HMCN2: variants seen among roughly 807,000 people sequenced by gnomAD.
HMCN2 encodes the protein hemicentin 2.
A neutral mutation model predicts 377.5 loss-of-function variants in HMCN2; 325 were observed. That is an observed-to-expected ratio of 0.86 (90% CI 0.79 to 0.94). HMCN2 has a LOEUF of 0.94. Among genes scored for constraint, HMCN2 ranks in the 40% least tolerant of loss-of-function variants. The pLI is 0.00. For synonymous variants in HMCN2, 2,007 were observed against 2,046.8 expected (o/e 0.98, Z 0.53); for missense variants, 4,543 against 4,725.3 (o/e 0.96, Z 1.13).
chr9:130,269,885 A>T (rs1160896413), intron 1 of HMCN2, among the ~76,000 whole-genome samples: 1 of 147,826 alleles, frequency 6.8e-6, no homozygotes. Flanking sequence ...ATCTCTGCTC[A>T]CTGCAACCTC....
intron 23 of HMCN2, among the ~76,000 whole-genome samples, chr9:130,340,613 G>A (rs1588269045): frequency 6.7e-6 from 1 of 149,818 alleles, no homozygotes; most frequent in African/African-American, 2.5e-5. Context: ...TCCGCCTCCC[G>A]GGTTCAAGCA....
Position 130,358,457 on chromosome 9 carries a change from G to C in HMCN2, c.5648G>C (p.Ser1883Thr), listed in dbSNP as rs987093296. 1.5e-6 allele frequency: 2 copies of C among 1,304,276 alleles called. No individual in the cohort carries two copies. The highest frequency in any genetic ancestry group is 3.0e-5 in the African/African-American group (2 of 65,866). The allele number at this position is 1,304,276 out of a possible 1,614,324, so 80.8% of individuals were successfully genotyped here. A position where few individuals can be genotyped will look rare whatever the true frequency, so the allele number is the denominator to read the frequency against. ...GCTGCTACCAACCTGGCTGGGGAGA[G>C]CAAGAGGGAAGTGGCGCTGAAAGTT... Reference protein sequence around the residue: ...TCAATNLAGESKREVALKVLV... With the variant: ...TCAATNLAGETKREVALKVLV... The change falls in exon 36 of 98, where the codon AGC (serine) becomes ACC (threonine). Residue 1883 changes from serine (S) to threonine (T), a missense_variant. Around this residue, in one of 5 missense-constraint regions of HMCN2, gnomAD observed 1,032 missense variants for 1,285.1 expected, o/e 0.80. Coordinates refer to ENST00000683500, the MANE Select transcript of HMCN2 (RefSeq NM_001291815.2).
chr9:130,368,003 G>A (rs1000597191), intron 43 of HMCN2, among the ~76,000 whole-genome samples: 9 of 151,004 alleles, frequency 6.0e-5, no homozygotes, highest in South Asian at 4.2e-4. Flanking sequence ...CTGCCATTCC[G>A]GAGGGCTCAG....
rs782303621 is a variant in HMCN2, at chr9:130,277,751, CCAT to C, written c.260-6840_260-6838del. ...ACCACCATCATCATCACCACCACCA[CCAT>C]CATCATCATCACCACCACCATCATC... is the stretch of plus-strand genomic sequence containing the variant. On this transcript the variant is annotated intron_variant, in intron 1 of 97. Coordinates refer to ENST00000683500, the MANE Select transcript of HMCN2 (RefSeq NM_001291815.2). Among the ~76,000 whole-genome samples, 991 of 127,210 alleles carry C rather than the reference CCAT, an allele frequency of 7.8e-3. 11 individuals are homozygous for C. Among genetic ancestry groups the C allele is most frequent in the Non-Finnish European group, 0.011 (642 of 58,256 alleles). 83.5% of individuals were successfully genotyped at this position (127,210 alleles called of 152,430 possible).
intron 25 of HMCN2, among the ~76,000 whole-genome samples, chr9:130,346,941 G>A (rs1216387473): frequency 6.6e-6 from 1 of 152,050 alleles, no homozygotes; most frequent in Non-Finnish European, 1.5e-5. Context: ...GTCCCTCAGG[G>A]ACCCTAGGAG....
intron 22 of HMCN2, among the ~76,000 whole-genome samples, chr9:130,334,555 T>TG (rs1554945671): frequency 2.4e-4 from 35 of 146,692 alleles, no homozygotes; most frequent in African/African-American, 9.3e-4. Flanking sequence ...GGAAGTTTTT[T>TG]TTTTTTTTTT....
At chr9:130,407,367 A>T in intron 82 of HMCN2, 1 of 342,136 alleles carries the variant, frequency 2.9e-6, no homozygotes, top group South Asian at 2.2e-5. Flanking sequence ...CACAGTGTGC[A>T]CTGGAAGATG....
intron 74 of HMCN2, 125 bp downstream of exon 74, chr9:130,397,780 GC>G: frequency 1.1e-6 from 1 of 892,912 alleles, no homozygotes; most frequent in Non-Finnish European, 1.5e-6. Context: ...TGACCATGAA[GC>G]CCATTAGTAA....
chr9:130,312,565 T>TTTCTTTCTTTCTTTCTTTCC (rs1837318403), intron 15 of HMCN2, among the ~76,000 whole-genome samples: 3 of 51,246 alleles, frequency 5.9e-5, no homozygotes, highest in African/African-American at 2.0e-4. Context: ...TCTTTCTTTC[T>TTTCTTTCTTTCTTTCTTTCC]TTCTTTCTTT....
At chr9:130,389,100 G>A (rs977390964) in intron 62 of HMCN2, among the ~76,000 whole-genome samples, 1 of 152,196 alleles carries the variant, frequency 6.6e-6, no homozygotes, top group African/African-American at 2.4e-5. Flanking sequence ...CTCGGAGCTG[G>A]TCCCTTGTCT....
At chr9:130,293,032 A>G (rs1401132118) in intron 4 of HMCN2, among the ~76,000 whole-genome samples, 2 of 151,960 alleles carry the variant, frequency 1.3e-5, no homozygotes, top group Non-Finnish European at 2.9e-5. Flanking sequence ...CTACCTATCA[A>G]TTTATCATCT....
intron 94 of HMCN2, 194 bp from the exon 95 acceptor site, chr9:130,430,090 G>A (rs1399102675): frequency 3.2e-6 from 2 of 619,760 alleles, no homozygotes; most frequent in Middle Eastern, 4.4e-4. Flanking sequence ...TGGGCCTCTG[G>A]GAGCTGTAGG....
chr9:130,412,777 G>A (rs541959722), intron 85 of HMCN2, among the ~76,000 whole-genome samples: 3 of 151,828 alleles, frequency 2.0e-5, no homozygotes, highest in Admixed American at 6.6e-5. Context: ...AGGTTTCGTC[G>A]TGTTGCCCAG....
rs1033641646 is a variant in HMCN2 at position 130,416,485 on chromosome 9, G to C, written c.12962-2287G>C. On this transcript the variant is annotated intron_variant, in intron 85 of 97. Coordinates refer to ENST00000683500, the MANE Select transcript of HMCN2 (RefSeq NM_001291815.2). Reference sequence around the variant, plus strand: ...TTGCACATCATAATTTGTGGCATTCGTCCATATTGTTCACGTGGAATTAGT... The same window carrying C: ...TTGCACATCATAATTTGTGGCATTCCTCCATATTGTTCACGTGGAATTAGT... Among the ~76,000 whole-genome samples the C allele has an allele frequency of 2.0e-5, 3 of 152,128 alleles. 1 individual carries two copies. The highest frequency in any genetic ancestry group is 7.2e-5 in the African/African-American group (3 of 41,424).
At chr9:130,305,395 C>T (rs1234889225) in intron 11 of HMCN2, among the ~76,000 whole-genome samples, 1 of 152,154 alleles carries the variant, frequency 6.6e-6, no homozygotes, top group Non-Finnish European at 1.5e-5. Context: ...TGGCAGAGAT[C>T]GGGCAGCACT....
At chr9:130,295,864 G>C (rs376750752) in intron 6 of HMCN2, 92 bp downstream of exon 6, 1 of 425,946 alleles carries the variant, frequency 2.3e-6, no homozygotes, top group African/African-American at 2.0e-5. Flanking sequence ...CTGTGGCCTC[G>C]GGAAGCTGAT....
At chr9:130,297,556 T>C (rs1554932591) in intron 7 of HMCN2, among the ~76,000 whole-genome samples, 1 of 152,154 alleles carries the variant, frequency 6.6e-6, no homozygotes, top group Non-Finnish European at 1.5e-5. Context: ...AGGGACCAGC[T>C]CAGCTCAGCT....
chr9:130,266,117 T>G lies in HMCN2; in HGVS notation c.239T>G (p.Leu80Arg), dbSNP rs1554918878. The change falls in exon 1 of 98, where the codon CTG (leucine) becomes CGG (arginine). Residue 80 changes from leucine (L) to arginine (R), a missense_variant. Around this residue, in one of 5 missense-constraint regions of HMCN2, gnomAD observed 547 missense variants for 189.9 expected, o/e 2.88. Coordinates refer to ENST00000683500, the MANE Select transcript of HMCN2 (RefSeq NM_001291815.2). Reference sequence around the variant, plus strand: ...AGCCAGGCCATCGCCAACTACGCGCTGGTGCCCTTCCACGACCCAGGTAGC... The same window carrying G: ...AGCCAGGCCATCGCCAACTACGCGCGGGTGCCCTTCCACGACCCAGGTAGC... ...RRSQAIANYALVPFHDPDIGP... is the reference protein window; with the variant it reads ...RRSQAIANYARVPFHDPDIGP... 6.4e-6 allele frequency: 3 copies of G among 468,306 alleles called. No homozygotes were observed. Among genetic ancestry groups the G allele is most frequent in the Admixed American group, 2.3e-5 (1 of 42,580 alleles). 29.0% of individuals were successfully genotyped at this position (468,306 alleles called of 1,614,324 possible). A position where few individuals can be genotyped will look rare whatever the true frequency, so the allele number is the denominator to read the frequency against.
chr9:130,358,735 A>G (rs113165541), intron 36 of HMCN2, among the ~76,000 whole-genome samples: 7,754 of 151,242 alleles, frequency 0.051, 674 homozygotes, highest in African/African-American at 0.18. Flanking sequence ...GTGCAGTGGC[A>G]CTATCTCGGC....
Sources: allele counts gnomAD v4.1 joint callset (sites outside exome capture counted in the v4.1 genomes callset), GRCh38; gene constraint gnomAD v4.1.1; regional missense constraint gnomAD v4.1.1; transcripts MANE v1.5; gene names NCBI Gene and HGNC (gene_info 2026-07-23, HGNC 2026-07-21).